ADAMTSL3: variants seen among roughly 807,000 people sequenced by gnomAD.
The protein encoded by ADAMTSL3 is ADAMTS like 3.
In ADAMTSL3, 128 loss-of-function variants were observed where a neutral mutation model predicts 201.7. The observed-to-expected ratio is 0.63, with a 90% CI of 0.55 to 0.73. ADAMTSL3 has a LOEUF of 0.73. ADAMTSL3 is among the 30% of genes least tolerant of loss of function. The probability of loss-of-function intolerance (pLI) is 0.00; values close to 1 mark genes in which losing one functional copy is unlikely to be tolerated. For synonymous variants in ADAMTSL3, 738 were observed against 748.4 expected (o/e 0.99, Z 0.23); for missense variants, 1,990 against 2,119.6 (o/e 0.94, Z 1.20).
chr15:83,789,595 T>C (rs1225003807), intron 4 of ADAMTSL3, among the ~76,000 whole-genome samples: 2 of 152,156 alleles, frequency 1.3e-5, no homozygotes, highest in African/African-American at 4.8e-5. Context: ...GGTGTTCTAT[T>C]TTGAAATGCT....
In ADAMTSL3 at chr15:83,735,323, G is replaced by T. The variant is rs181233164; in HGVS notation, c.189+30815G>T. Among the ~76,000 whole-genome samples, 491 of 152,256 alleles carry T rather than the reference G, an allele frequency of 3.2e-3. 2 individuals are homozygous for T. Among genetic ancestry groups the T allele is most frequent in the African/African-American group, 0.011 (467 of 41,554 alleles). On this transcript the variant is annotated intron_variant, in intron 3 of 29. Transcript: ENST00000286744. ...CTGGGAGAGAGAAACACAATCAGTT[G>T]CAGAAGTCACAGATTCATAAGATAA...
intron 19 of ADAMTSL3, among the ~76,000 whole-genome samples, chr15:83,953,574 CA>C (rs1469515538): frequency 2.0e-5 from 3 of 152,162 alleles, no homozygotes; most frequent in Non-Finnish European, 4.4e-5. Context: ...TTTGACACCA[CA>C]ATCACAGTGT....
At chr15:83,760,098 T>G (rs2062784459) in intron 3 of ADAMTSL3, among the ~76,000 whole-genome samples, 1 of 152,182 alleles carries the variant, frequency 6.6e-6, no homozygotes, top group Admixed American at 6.5e-5. Flanking sequence ...TTGGGTTGTA[T>G]GTGTTGTCAT....
At chr15:83,660,842 A>G (rs1232129933) in intron 2 of ADAMTSL3, among the ~76,000 whole-genome samples, 2 of 151,478 alleles carry the variant, frequency 1.3e-5, no homozygotes, top group African/African-American at 4.9e-5. Context: ...TGTTTTGGAC[A>G]TGAAGTCCTT....
chr15:83,951,038 G>T (rs1483170304), intron 19 of ADAMTSL3, among the ~76,000 whole-genome samples: 1 of 148,674 alleles, frequency 6.7e-6, no homozygotes, highest in African/African-American at 2.5e-5. Flanking sequence ...CTCTAACTAG[G>T]ACTACTAGGA....
intron 4 of ADAMTSL3, among the ~76,000 whole-genome samples, chr15:83,786,036 T>G (rs1394477545): frequency 6.6e-6 from 1 of 152,098 alleles, no homozygotes; most frequent in Non-Finnish European, 1.5e-5. Flanking sequence ...GAGATGGGGT[T>G]TCACCATGTT....
At chr15:83,669,784 G>A (rs1386128097) in intron 2 of ADAMTSL3, among the ~76,000 whole-genome samples, 1 of 151,424 alleles carries the variant, frequency 6.6e-6, no homozygotes, top group Admixed American at 6.6e-5. Context: ...GAGTATTTTT[G>A]AAAAATAATC....
chr15:83,749,792 C>T (rs1051702349), intron 3 of ADAMTSL3, among the ~76,000 whole-genome samples: 4 of 152,118 alleles, frequency 2.6e-5, no homozygotes, highest in Non-Finnish European at 2.9e-5. Context: ...GGGTGGGTCT[C>T]GAAAAGAGTC....
chr15:83,972,831 G>GCTTGCTGAAATGTAGGTTCTGCTT (rs995396435), intron 20 of ADAMTSL3, among the ~76,000 whole-genome samples: 13 of 152,072 alleles, frequency 8.5e-5, no homozygotes, highest in Non-Finnish European at 1.9e-4. Context: ...ACTAGCCCTT[G>GCTTGCTGAAATGTAGGTTCTGCTT]CTTGCTGAAA....
intron 4 of ADAMTSL3, among the ~76,000 whole-genome samples, chr15:83,774,645 AGAACT>A (rs1192553624): frequency 2.6e-5 from 4 of 152,310 alleles, no homozygotes; most frequent in African/African-American, 9.6e-5. Context: ...AAAGCATTGG[AGAACT>A]AAATCCAGGG....
intron 15 of ADAMTSL3, among the ~76,000 whole-genome samples, chr15:83,903,938 A>AAAAAAAG (rs2065781637): frequency 2.6e-5 from 1 of 39,132 alleles, no homozygotes; most frequent in Non-Finnish European, 4.2e-5. Flanking sequence ...AAAAAAAAAA[A>AAAAAAAG]AAAAAAGAAA....
intron 13 of ADAMTSL3, among the ~76,000 whole-genome samples, chr15:83,896,328 A>G (rs2065613683): frequency 6.6e-6 from 1 of 152,188 alleles, no homozygotes; most frequent in Non-Finnish European, 1.5e-5. Flanking sequence ...TGAAGTTTGT[A>G]CAGATTGGAG....
intron 3 of ADAMTSL3, among the ~76,000 whole-genome samples, chr15:83,757,892 T>G (rs979150206): frequency 6.6e-6 from 1 of 152,204 alleles, no homozygotes; most frequent in Admixed American, 6.5e-5. Flanking sequence ...CCAGTCTCTT[T>G]GCTAAAGCAT....
intron 4 of ADAMTSL3, among the ~76,000 whole-genome samples, chr15:83,787,848 A>C (rs1596209105): frequency 6.7e-6 from 1 of 149,442 alleles, no homozygotes; most frequent in Non-Finnish European, 1.5e-5. Flanking sequence ...TCCTTTCTCA[A>C]CCTCTCCCTC....
At chr15:83,963,172 G>A (rs182243970) in intron 19 of ADAMTSL3, among the ~76,000 whole-genome samples, 7 of 152,206 alleles carry the variant, frequency 4.6e-5, no homozygotes, top group South Asian at 2.1e-4. Context: ...AGACAGAACC[G>A]TTCACTTCCC....
chr15:83,922,792 G>A (rs2066170617), intron 16 of ADAMTSL3, among the ~76,000 whole-genome samples: 1 of 152,040 alleles, frequency 6.6e-6, no homozygotes, highest in Non-Finnish European at 1.5e-5. Flanking sequence ...GTAAAATACT[G>A]TAAAATGGTT....
intron 4 of ADAMTSL3, among the ~76,000 whole-genome samples, chr15:83,774,223 C>G (rs2063034290): frequency 6.6e-6 from 1 of 152,134 alleles, no homozygotes; most frequent in South Asian, 2.1e-4. Flanking sequence ...TGCATCAGCT[C>G]TTAGGTAAGA....
At chr15:83,825,528 G>T (rs13329502) in intron 6 of ADAMTSL3, among the ~76,000 whole-genome samples, 39,865 of 151,924 alleles carry the variant, frequency 0.26, 6,765 homozygotes, top group African/African-American at 0.46. Context: ...CCTGAGGCAA[G>T]GATTCGCTTG....
chr15:83,670,980 T>C (rs1056201597), intron 2 of ADAMTSL3, among the ~76,000 whole-genome samples: 1 of 152,236 alleles, frequency 6.6e-6, no homozygotes, highest in Non-Finnish European at 1.5e-5. Flanking sequence ...AACATAGTAA[T>C]AGGTTTCTGA....
Sources: allele counts gnomAD v4.1 joint callset (sites outside exome capture counted in the v4.1 genomes callset), GRCh38; gene constraint gnomAD v4.1.1; transcripts MANE v1.5; gene names NCBI Gene and HGNC (gene_info 2026-07-23, HGNC 2026-07-21).